The following POLR1B variants were observed in gnomAD, a reference collection of about 807,000 sequenced individuals.
POLR1B encodes the protein DNA-directed RNA polymerase I subunit RPA2.
A neutral mutation model predicts 105.8 loss-of-function variants in POLR1B; 30 were observed. The observed-to-expected ratio is 0.28, with a 90% CI of 0.21 to 0.38. POLR1B has a LOEUF of 0.38. POLR1B is among the 10% of genes least tolerant of loss of function. The pLI is 1.00. For missense variants in POLR1B, 976 were observed against 1,435.8 expected, an observed-to-expected ratio of 0.68 and a Z score of 5.17; for synonymous variants, 485 against 505.1, an observed-to-expected ratio of 0.96 and a Z score of 0.53.
intron 9 of POLR1B, among the ~76,000 whole-genome samples, chr2:112,563,094 A>T (rs1329472644): frequency 9.3e-6 from 1 of 107,766 alleles, no homozygotes; most frequent in Non-Finnish European, 1.9e-5. Flanking sequence ...TTGCTCTGTC[A>T]CCCAGGCTGG....
At position 112,561,519 on chromosome 2, in the gene POLR1B, T is replaced by C. The variant is rs551255998; in HGVS notation, c.1612+1945T>C. Among the ~76,000 whole-genome samples, 5 of 152,250 alleles carry C rather than the reference T, an allele frequency of 3.3e-5. 1 individual carries two copies. The South Asian group carries it at 1.0e-3, about 32-fold the overall frequency. The stretch of plus-strand genomic sequence containing the variant: ...TCTCATTATTTGTAGTACTCATCTT[T>C]AAAGTTACCAGTGAATATTGAACCA... On this transcript the variant is annotated intron_variant, in intron 9 of 14. Coordinates refer to ENST00000263331, the MANE Select transcript of POLR1B (RefSeq NM_019014.6).
chr2:112,569,566 T>G (rs1349412719), intron 12 of POLR1B, among the ~76,000 whole-genome samples: 15 of 151,510 alleles, frequency 9.9e-5, no homozygotes. Flanking sequence ...GTGTTTCTTT[T>G]TTTTTTTTTT....
At chr2:112,567,635 T>G (rs554427486) in intron 10 of POLR1B, among the ~76,000 whole-genome samples, 124 of 152,262 alleles carry the variant, frequency 8.1e-4, no homozygotes, top group African/African-American at 2.9e-3. Context: ...CACTTTGGCC[T>G]CCTAAAGTGC....
chr2:112,564,193 C>G, intron 9 of POLR1B, 173 bp from the exon 10 acceptor site: 2 of 707,842 alleles, frequency 2.8e-6, no homozygotes, highest in Non-Finnish European at 4.4e-6. Flanking sequence ...CATTGATAAG[C>G]CTGCTTGAAA....
At chr2:112,572,087 A>G (rs571121324) in intron 12 of POLR1B, among the ~76,000 whole-genome samples, 1 of 152,354 alleles carries the variant, frequency 6.6e-6, no homozygotes, top group Admixed American at 6.5e-5. Flanking sequence ...TAGTACACAG[A>G]GGAATCTCAC....
rs869087985 is a variant in POLR1B, at chr2:112,546,544, C to CTT, written c.178-434_178-433dup. ...GAAGTTATGAGTAGACTGGAGGTAG[C>CTT]TTTTTTTTTTTTTTTTTTTTTTTTT... On this transcript the variant is annotated intron_variant, in intron 1 of 14. Transcript: ENST00000263331. Among the ~76,000 whole-genome samples, 428 of 53,184 alleles carry CTT rather than the reference C, an allele frequency of 8.0e-3. 107 individuals carry two copies. Among genetic ancestry groups the CTT allele is most frequent in the East Asian group, 0.018 (24 of 1,326 alleles). The allele number at this position is 53,184 out of a possible 152,430, so 34.9% of individuals were successfully genotyped here.
In POLR1B at chr2:112,575,224, C is replaced by G. The variant is rs746590764; in HGVS notation, c.2903C>G (p.Ala968Gly). The change falls in exon 15 of 15, where the codon GCT becomes GGT. Residue 968 changes from alanine (A) to glycine (G), a missense_variant. By Grantham distance (60) the Ala-to-Gly change is moderately conservative. Transcript: ENST00000263331. This position sits in a 1 kb window ranked among gnomAD's most constrained non-coding sequence, Gnocchi z 5.3. ...ALEYFGEMLKAAGYNFYGTER... is the reference protein window; with the variant it reads ...ALEYFGEMLKGAGYNFYGTER... ...GAATACTTTGGTGAGATGTTAAAGG[C>G]TGCTGGCTACAATTTCTATGGCACC... 2.5e-6 allele frequency: 4 copies of G among 1,614,160 alleles called. No homozygotes were observed. Among genetic ancestry groups the G allele is most frequent in the Non-Finnish European group, 3.4e-6 (4 of 1,180,040 alleles).
chr2:112,572,432 C>T (rs1334971627), intron 12 of POLR1B, 130 bp from the exon 13 acceptor site: 3 of 624,964 alleles, frequency 4.8e-6, no homozygotes, highest in Non-Finnish European at 7.8e-6. Context: ...CTAAAGTAAG[C>T]ATAACTACCA....
At position 112,551,792 on chromosome 2, in the gene POLR1B, T is replaced by G. The variant is rs1683381108; in HGVS notation, c.780T>G (p.Ser260=). The G allele has an allele frequency of 3.7e-6, 6 of 1,613,760 alleles. No individual in the cohort carries two copies. Among genetic ancestry groups the G allele is most frequent in the Non-Finnish European group, 5.1e-6 (6 of 1,179,810 alleles). ...TATTCTAGGCACTTGTCAGCTTTTC[T>G]GATTATCAGATCTTTCAGGAGCTCA... ...GFALKALVSF[S]DYQIFQELIK... Residue 260 remains serine, a synonymous_variant, in exon 6 of 15, where the codon TCT becomes TCG. Transcript: ENST00000263331.
intron 1 of POLR1B, among the ~76,000 whole-genome samples, chr2:112,546,355 C>T (rs967809603): frequency 2.0e-5 from 3 of 152,102 alleles, no homozygotes; most frequent in African/African-American, 7.2e-5. Context: ...ATTTGTCTTG[C>T]TATGCACATA....
chr2:112,548,814 G>A (rs568048675), intron 3 of POLR1B, among the ~76,000 whole-genome samples: 4 of 152,120 alleles, frequency 2.6e-5, no homozygotes, highest in East Asian at 3.9e-4. Context: ...GGGTTTCACC[G>A]TGTTAGCCAG....
At position 112,575,627 on chromosome 2, in the gene POLR1B, T is replaced by C. The variant is rs139551408; in HGVS notation, c.3306T>C (p.Ser1102=). 38 of 1,614,176 alleles carry C rather than the reference T, an allele frequency of 2.4e-5. No individual in the cohort carries two copies. In the African/African-American group the frequency reaches 3.7e-4, roughly 16 times the overall value. ...RNRKYNCTLC[S]RSDTIDTVSV... is the part of the protein sequence containing the mutation. ...GAAAATACAACTGTACTCTGTGTAG[T>C]CGCAGTGACACTATCGATACTGTTT... is the stretch of plus-strand genomic sequence containing the variant. The change falls in exon 15 of 15, where the codon AGT becomes AGC. Residue 1102 remains serine, a synonymous_variant. Coordinates refer to ENST00000263331, the MANE Select transcript of POLR1B (RefSeq NM_019014.6). The surrounding 1 kb of genome is among the most constrained non-coding windows in gnomAD (Gnocchi z 5.3).
chr2:112,558,954 G>A (rs1683816693), intron 8 of POLR1B, among the ~76,000 whole-genome samples: 3 of 147,458 alleles, frequency 2.0e-5, no homozygotes, highest in Non-Finnish European at 3.0e-5. Flanking sequence ...TACTGTTGCC[G>A]ATTCTTTCAT....
chr2:112,574,124 C>T (rs977334989), intron 14 of POLR1B, among the ~76,000 whole-genome samples: 1 of 152,140 alleles, frequency 6.6e-6, no homozygotes, highest in African/African-American at 2.4e-5. Flanking sequence ...GGATTACAGG[C>T]CTGAGCCACC....
intron 9 of POLR1B, among the ~76,000 whole-genome samples, chr2:112,560,324 T>C (rs1263226827): frequency 5.3e-5 from 8 of 152,144 alleles, no homozygotes; most frequent in Admixed American, 5.2e-4. Flanking sequence ...ATAGAAGCTA[T>C]TGAGTAGTTT....
Position 112,577,297 on chromosome 2 carries a change from A to G in POLR1B, c.*1568A>G, listed in dbSNP as rs1684914610. ...AGTGGCTCACGCCACTAATCCCAAC[A>G]TTTTAGGAGGCCTAGGCAGGAGCAA... On this transcript the variant is annotated 3_prime_UTR_variant, in exon 15 of 15. Transcript: ENST00000263331. 6.6e-6 allele frequency: 1 copy of G among 152,262 alleles called. No individual in the cohort carries two copies. Among genetic ancestry groups the G allele is most frequent in the South Asian group, 2.1e-4 (1 of 4,838 alleles). 9.4% of individuals were successfully genotyped at this position (152,262 alleles called of 1,614,324 possible). A position where few individuals can be genotyped will look rare whatever the true frequency, so the allele number is the denominator to read the frequency against.
chr2:112,559,656 A>T (rs1254922244), intron 9 of POLR1B, 82 bp downstream of exon 9: 2 of 1,502,408 alleles, frequency 1.3e-6, no homozygotes. Context: ...TTTGAGATGG[A>T]GTGTTGCTAT....
At chr2:112,561,279 T>C (rs1221211562) in intron 9 of POLR1B, among the ~76,000 whole-genome samples, 1 of 152,120 alleles carries the variant, frequency 6.6e-6, no homozygotes, top group African/African-American at 2.4e-5. Context: ...TATATCCAAC[T>C]GCAGAAAAAG....
At chr2:112,550,393 G>C (rs1242526684) in intron 4 of POLR1B, among the ~76,000 whole-genome samples, 1 of 152,232 alleles carries the variant, frequency 6.6e-6, no homozygotes. Context: ...CTTAATTATA[G>C]CCATACATAC....
Sources: gnomAD v4.1 joint callset for allele counts (sites outside exome capture counted in the v4.1 genomes callset) on GRCh38, gnomAD v4.1.1 for gene constraint, Gnocchi (gnomAD v3.1) non-coding constraint, MANE v1.5 for transcripts, NCBI Gene and HGNC (gene_info 2026-07-23, HGNC 2026-07-21) for gene names.